NRG1: variants seen among roughly 807,000 people sequenced by gnomAD.
NRG1 encodes pro-neuregulin-1, membrane-bound isoform.
A neutral mutation model predicts 63.8 loss-of-function variants in NRG1; 18 were observed. The observed-to-expected ratio is 0.28, with a 90% confidence interval of 0.19 to 0.42. The LOEUF is 0.42. NRG1 is among the 10% of genes least tolerant of loss of function. The probability of loss-of-function intolerance (pLI) is 1.00; values close to 1 mark genes in which losing one functional copy is unlikely to be tolerated. For missense variants in NRG1, 762 were observed against 814.7 expected (o/e 0.94, Z 0.79); for synonymous variants, 302 against 301.3 (o/e 1.00, Z -0.02).
intron 1 of NRG1, among the ~76,000 whole-genome samples, chr8:31,918,104 T>C (rs1443893552): frequency 6.6e-6 from 1 of 152,194 alleles, no homozygotes; most frequent in African/African-American, 2.4e-5. Context: ...GATTTTGGGC[T>C]GAGACAGTGG....
chr8:32,396,076 A>G (rs565996540), intron 1 of NRG1, among the ~76,000 whole-genome samples: 1 of 152,218 alleles, frequency 6.6e-6, no homozygotes, highest in East Asian at 1.9e-4. Flanking sequence ...TGTTCTATTG[A>G]TCTATATATA....
intron 1 of NRG1, among the ~76,000 whole-genome samples, chr8:32,583,168 TA>T (rs1840983416): frequency 6.6e-6 from 1 of 152,198 alleles, no homozygotes; most frequent in Non-Finnish European, 1.5e-5. Context: ...TTTTCTTAGA[TA>T]TTTATAGATG....
intron 1 of NRG1, among the ~76,000 whole-genome samples, chr8:32,157,591 G>T (rs966807294): frequency 1.3e-5 from 2 of 151,364 alleles, no homozygotes; most frequent in Non-Finnish European, 2.9e-5. Flanking sequence ...CCTGGAAGGT[G>T]GAGGTTGCAG....
intron 1 of NRG1, among the ~76,000 whole-genome samples, chr8:31,763,885 G>A (rs1009366972): frequency 4.6e-5 from 7 of 151,810 alleles, no homozygotes; most frequent in Non-Finnish European, 7.4e-5. Flanking sequence ...GGGAGGCAGA[G>A]CTTGCAGTGA....
intron 1 of NRG1, among the ~76,000 whole-genome samples, chr8:32,552,210 C>CTTTTTTTTTTTTTTTTTTTTTT (rs35243877): frequency 8.0e-6 from 1 of 124,766 alleles, no homozygotes; most frequent in Non-Finnish European, 1.7e-5. Flanking sequence ...CGCTTGGCCG[C>CTTTTTTTTTTTTTTTTTTTTTT]TTTTTTTTTT....
At chr8:31,839,749 T>C (rs1826013719) in intron 1 of NRG1, among the ~76,000 whole-genome samples, 1 of 152,160 alleles carries the variant, frequency 6.6e-6, no homozygotes, top group African/African-American at 2.4e-5. Context: ...GTCTAAAACA[T>C]AGAAGTACTT....
At chr8:32,530,354 G>A (rs573960842) in intron 1 of NRG1, among the ~76,000 whole-genome samples, 4 of 152,148 alleles carry the variant, frequency 2.6e-5, no homozygotes, top group South Asian at 2.1e-4. Flanking sequence ...TGATCCGCCC[G>A]CCTCGGCCTC....
chr8:32,672,292 CCTT>C (rs1250410901), intron 5 of NRG1, among the ~76,000 whole-genome samples: 3 of 152,196 alleles, frequency 2.0e-5, no homozygotes, highest in Non-Finnish European at 4.4e-5. Flanking sequence ...GATCCACCCT[CCTT>C]GGCCTCCCAA....
chr8:32,310,145 G>T (rs1015488854), intron 1 of NRG1, among the ~76,000 whole-genome samples: 1 of 152,240 alleles, frequency 6.6e-6, no homozygotes, highest in Non-Finnish European at 1.5e-5. Context: ...AAAAGGACAA[G>T]CAGCTTGTTG....
At chr8:32,525,726 C>A (rs1017887639) in intron 1 of NRG1, among the ~76,000 whole-genome samples, 1 of 152,032 alleles carries the variant, frequency 6.6e-6, no homozygotes, top group African/African-American at 2.4e-5. Context: ...GCACCAACAC[C>A]CGCCCCCTTT....
chr8:32,059,885 T>C (rs531080150), intron 1 of NRG1, among the ~76,000 whole-genome samples: 23 of 152,104 alleles, frequency 1.5e-4, no homozygotes, highest in African/African-American at 5.3e-4. Context: ...ACTTTTAATA[T>C]CTGGATGTTA....
At chr8:32,084,860 C>T (rs1827987613) in intron 1 of NRG1, among the ~76,000 whole-genome samples, 1 of 152,042 alleles carries the variant, frequency 6.6e-6, no homozygotes, top group South Asian at 2.1e-4. Context: ...CTAATCTTGG[C>T]TTTTGGCTAC....
chr8:32,601,813 G>A (rs1189954207), intron 2 of NRG1, among the ~76,000 whole-genome samples: 1 of 151,144 alleles, frequency 6.6e-6, no homozygotes, highest in African/African-American at 2.4e-5. Context: ...AATGTATTGG[G>A]GCTTTTATCC....
At chr8:31,693,318 C>T (rs2131142652) in intron 1 of NRG1, among the ~76,000 whole-genome samples, 2 of 152,280 alleles carry the variant, frequency 1.3e-5, no homozygotes, top group Admixed American at 6.5e-5. Context: ...AGAGATCTTT[C>T]TTGGAATATA....
intron 3 of NRG1, among the ~76,000 whole-genome samples, chr8:32,612,275 G>T (rs1023106297): frequency 1.3e-5 from 2 of 151,902 alleles, no homozygotes; most frequent in African/African-American, 2.4e-5. Context: ...TTAACAAAAG[G>T]CTGTTTTCCA....
intron 1 of NRG1, among the ~76,000 whole-genome samples, chr8:31,689,586 T>C (rs893769440): frequency 1.1e-4 from 16 of 152,336 alleles, no homozygotes; most frequent in Admixed American, 5.9e-4. Flanking sequence ...GCAGCTCTTC[T>C]GAAATGTAAT....
In NRG1 at chr8:32,677,807, C is replaced by A. The variant is rs1036634176; in HGVS notation, c.503-50142C>A. ...AGAACTAAAAGCAAAATTTATCAGC[C>A]TTTCCTTCCAATTTGCCATACCCCC... On this transcript the variant is annotated intron_variant, in intron 5 of 11. Coordinates refer to ENST00000356819, the Ensembl canonical transcript of NRG1. Among the ~76,000 whole-genome samples the A allele has an allele frequency of 3.3e-5, 5 of 152,142 alleles. No homozygotes were observed. The East Asian group carries it at 9.6e-4, about 29-fold the overall frequency.
At chr8:32,573,610 G>C (rs1174706814) in intron 1 of NRG1, among the ~76,000 whole-genome samples, 3 of 151,896 alleles carry the variant, frequency 2.0e-5, no homozygotes, top group African/African-American at 7.3e-5. Context: ...TTAGAACTAT[G>C]TATTTGGGTA....
At chr8:32,136,215 G>C (rs1440218515) in intron 1 of NRG1, among the ~76,000 whole-genome samples, 1 of 152,180 alleles carries the variant, frequency 6.6e-6, no homozygotes, top group African/African-American at 2.4e-5. Context: ...GATCAACAGA[G>C]CTTACTGCCC....
Sources: gnomAD v4.1 joint callset for allele counts (sites outside exome capture counted in the v4.1 genomes callset) on GRCh38, gnomAD v4.1.1 for gene constraint, MANE v1.5 for transcripts, NCBI Gene and HGNC (gene_info 2026-07-23, HGNC 2026-07-21) for gene names.